Variants in TIAM2 observed in about 807,000 individuals in gnomAD.
TIAM2 encodes rho guanine nucleotide exchange factor TIAM2.
A neutral mutation model predicts 152.9 loss-of-function variants in TIAM2; 80 were observed. That is an observed-to-expected ratio of 0.52 (90% CI 0.44 to 0.63). The LOEUF (loss-of-function observed/expected upper bound fraction) is 0.63, where lower values mean the gene tolerates loss of function less well. TIAM2 is among the 30% of genes least tolerant of loss of function. The pLI is 0.00. For missense variants in TIAM2, 1,965 were observed against 2,120.1 expected (o/e 0.93, Z 1.44); for synonymous variants, 804 against 838.0 (o/e 0.96, Z 0.70).
intron 1 of TIAM2, among the ~76,000 whole-genome samples, chr6:155,083,312 G>T (rs953455847): frequency 2.0e-5 from 3 of 147,520 alleles, no homozygotes; most frequent in African/African-American, 7.6e-5. Context: ...TCGTGCCAGT[G>T]CACTCCAGTC....
chr6:155,143,702 A>G (rs576201705), intron 5 of TIAM2, among the ~76,000 whole-genome samples: 81 of 152,228 alleles, frequency 5.3e-4, no homozygotes, highest in African/African-American at 1.9e-3. Flanking sequence ...TCCCTAAATA[A>G]TGTGGTGTTG....
At chr6:155,230,836 CT>C (rs11403366) in intron 15 of TIAM2, among the ~76,000 whole-genome samples, 207 of 140,952 alleles carry the variant, frequency 1.5e-3, no homozygotes, top group Middle Eastern at 3.6e-3. Flanking sequence ...GGCAGAGCTA[CT>C]TTTTTTTTTT....
At chr6:155,083,696 G>T (rs1424573714) in intron 1 of TIAM2, among the ~76,000 whole-genome samples, 2 of 152,208 alleles carry the variant, frequency 1.3e-5, no homozygotes, top group African/African-American at 4.8e-5. Flanking sequence ...GGTGAGTTTT[G>T]TCTGTCAACT....
intron 14 of TIAM2, among the ~76,000 whole-genome samples, chr6:155,209,091 A>G (rs1781658490): frequency 6.6e-6 from 1 of 151,916 alleles, no homozygotes; most frequent in Non-Finnish European, 1.5e-5. Flanking sequence ...CCCAGGGAGA[A>G]TTAACTTGCT....
intron 15 of TIAM2, among the ~76,000 whole-genome samples, chr6:155,217,508 A>G (rs1012852891): frequency 6.6e-6 from 1 of 152,230 alleles, no homozygotes; most frequent in African/African-American, 2.4e-5. Context: ...ATTTCCTTGG[A>G]GTATAGCACA....
rs1040215468 is a variant in TIAM2, at chr6:155,218,717, C to T, written c.3168+7410C>T. Reference sequence around the variant, plus strand: ...CCTAATGGCCTCTTGAGCTGAGATTCGATGTCAGGTAGGAAACTGAACAAA... The same window carrying T: ...CCTAATGGCCTCTTGAGCTGAGATTTGATGTCAGGTAGGAAACTGAACAAA... On this transcript the variant is annotated intron_variant, in intron 15 of 26. Coordinates refer to ENST00000682666, the MANE Select transcript of TIAM2 (RefSeq NM_012454.4). The surrounding 1 kb of genome is among the most constrained non-coding windows in gnomAD (Gnocchi z 4.5). 2.0e-5 allele frequency among the ~76,000 whole-genome samples: 3 copies of T among 152,134 alleles called. No individual in the cohort carries two copies. Among genetic ancestry groups the T allele is most frequent in the Non-Finnish European group, 2.9e-5 (2 of 68,016 alleles).
intron 1 of TIAM2, among the ~76,000 whole-genome samples, chr6:155,083,369 G>T (rs6900973): frequency 0.04 from 5,024 of 125,392 alleles, 299 homozygotes; most frequent in African/African-American, 0.15. Context: ...AAAAAAAAAA[G>T]AGAGAGAGAG....
At position 155,174,787 on chromosome 6, in the gene TIAM2, T is replaced by A. The variant is rs1284578261; in HGVS notation, c.2362-2029T>A. On this transcript the variant is annotated intron_variant, in intron 9 of 26. Coordinates refer to ENST00000682666, the MANE Select transcript of TIAM2 (RefSeq NM_012454.4). The surrounding 1 kb of genome is among the most constrained non-coding windows in gnomAD (Gnocchi z 4.2). ...ACCTGTTTATCCATAATTACGTTCT[T>A]CCTGATCTCCAAAAGTGCAGCAGTA... 6.6e-6 allele frequency among the ~76,000 whole-genome samples: 1 copy of A among 152,196 alleles called. No individual in the cohort carries two copies. The highest frequency in any genetic ancestry group is 2.4e-5 in the African/African-American group (1 of 41,448).
chr6:155,103,113 G>A (rs1778586232), intron 2 of TIAM2, among the ~76,000 whole-genome samples: 1 of 152,170 alleles, frequency 6.6e-6, no homozygotes, highest in Admixed American at 6.5e-5. Flanking sequence ...ATCAAGTCTA[G>A]TTTTATGATT....
chr6:155,020,010 G>A (rs974036018), intron 1 of TIAM2, among the ~76,000 whole-genome samples: 2 of 151,966 alleles, frequency 1.3e-5, no homozygotes, highest in Non-Finnish European at 2.9e-5. Context: ...CCGAGATTGC[G>A]CCACTGCACT....
At position 155,256,798 on chromosome 6, in the gene TIAM2, CTG is replaced by C; in HGVS notation, c.4784_4785del (p.Leu1595GlnfsTer13). ...AGACATCGAAATTCAGTTCCAGAGA[CTG>C]AGGATTTCCGAGGACCCAGACGTTC... Reference protein sequence around the residue: ...TKDIEIQFQRLRISEDPDVHP... With the variant: ...TKDIEIQFQRXRISEDPDVHP... On this transcript the variant is annotated frameshift_variant, in exon 27 of 27. Transcript: ENST00000682666. LOFTEE classifies it low-confidence loss of function (END_TRUNC). 1.9e-6 allele frequency: 3 copies of C among 1,614,194 alleles called. No individual in the cohort carries two copies. The highest frequency in any genetic ancestry group is 2.5e-6 in the Non-Finnish European group (3 of 1,180,046).
intron 1 of TIAM2, among the ~76,000 whole-genome samples, chr6:155,028,705 T>TTA (rs1228441482): frequency 1.2e-5 from 1 of 85,974 alleles, no homozygotes; most frequent in East Asian, 2.2e-4. Context: ...ATATACTGTG[T>TTA]TATATATATA....
intron 1 of TIAM2, among the ~76,000 whole-genome samples, chr6:155,019,083 C>T (rs1776408640): frequency 6.7e-6 from 1 of 150,318 alleles, no homozygotes; most frequent in Admixed American, 6.6e-5. Flanking sequence ...TGCCTGTAAT[C>T]CCAGCACTTT....
intron 14 of TIAM2, among the ~76,000 whole-genome samples, chr6:155,200,530 A>G (rs778805095): frequency 5.3e-5 from 8 of 152,178 alleles, no homozygotes; most frequent in Non-Finnish European, 1.2e-4. Context: ...TAGTATATTC[A>G]CAAAATTGTG....
intron 1 of TIAM2, among the ~76,000 whole-genome samples, chr6:155,069,518 ATACATT>A (rs1777786816): frequency 1.3e-5 from 2 of 152,232 alleles, no homozygotes; most frequent in African/African-American, 4.8e-5. Flanking sequence ...ATAAAGCAGC[ATACATT>A]TGCATGTAAT....
At chr6:155,058,328 G>C (rs1405880320) in intron 1 of TIAM2, among the ~76,000 whole-genome samples, 1 of 152,204 alleles carries the variant, frequency 6.6e-6, no homozygotes, top group Non-Finnish European at 1.5e-5. Context: ...AGAGAATGGG[G>C]TTGGGCATTA....
At chr6:155,067,642 T>TGA (rs560798098) in intron 1 of TIAM2, among the ~76,000 whole-genome samples, 5,842 of 116,748 alleles carry the variant, frequency 0.05, 401 homozygotes, top group African/African-American at 0.15. Flanking sequence ...GATGATGATG[T>TGA]TGATGATGAT....
chr6:155,101,628 T>C (rs1778550991), intron 2 of TIAM2, among the ~76,000 whole-genome samples: 1 of 152,212 alleles, frequency 6.6e-6, no homozygotes, highest in Non-Finnish European at 1.5e-5. Context: ...AAGTAAAGAA[T>C]ATGGAAGGAG....
intron 1 of TIAM2, among the ~76,000 whole-genome samples, chr6:155,006,946 C>T (rs1195208874): frequency 6.6e-6 from 1 of 152,114 alleles, no homozygotes. Flanking sequence ...TTGCCTTGGC[C>T]TCCCAAAGTG....
Sources: allele counts gnomAD v4.1 joint callset (sites outside exome capture counted in the v4.1 genomes callset), GRCh38; gene constraint gnomAD v4.1.1; non-coding constraint Gnocchi (gnomAD v3.1); transcripts MANE v1.5; gene names NCBI Gene and HGNC (gene_info 2026-07-23, HGNC 2026-07-21).